MAP7: variants seen among roughly 807,000 people sequenced by gnomAD.
MAP7 encodes microtubule associated protein 7.
In MAP7, 52 loss-of-function variants were observed where a neutral mutation model predicts 94.8. That is an observed-to-expected ratio of 0.55 (90% confidence interval 0.44 to 0.69). MAP7 has a LOEUF of 0.69. Among genes scored for constraint, MAP7 ranks in the 30% least tolerant of loss-of-function variants. The pLI is 0.00. For synonymous variants in MAP7, 350 were observed against 357.0 expected (o/e 0.98, Z 0.22); for missense variants, 940 against 964.6 (o/e 0.97, Z 0.34).
chr6:136,452,403 T>C (rs1383405778), intron 1 of MAP7, among the ~76,000 whole-genome samples: 2 of 152,190 alleles, frequency 1.3e-5, no homozygotes, highest in South Asian at 2.1e-4. Flanking sequence ...TTGAAAGTTG[T>C]ACTGTAGGTA....
chr6:136,452,964 G>A (rs1286186859), intron 1 of MAP7, among the ~76,000 whole-genome samples: 1 of 152,182 alleles, frequency 6.6e-6, no homozygotes, highest in Non-Finnish European at 1.5e-5. Context: ...CAAAAAATTA[G>A]TGTGACTGCC....
intron 1 of MAP7, among the ~76,000 whole-genome samples, chr6:136,522,725 A>T (rs1826761180): frequency 6.6e-6 from 1 of 152,222 alleles, no homozygotes; most frequent in African/African-American, 2.4e-5. Context: ...TGCTTTGGGA[A>T]TACTTAATTT....
At position 136,348,078 on chromosome 6, in the gene MAP7, C is replaced by T. The variant is rs1467695387; in HGVS notation, c.2016-1999G>A. On this transcript the variant is annotated intron_variant, in intron 16 of 17. Coordinates refer to ENST00000354570, the MANE Select transcript of MAP7 (RefSeq NM_003980.6). ...CTACTGTTCTAAGTGCCTGGGCTGC[C>T]ACACCCATCTTCCTGTTCTTGCCTA... Among the ~76,000 whole-genome samples, 5 of 151,088 alleles carry T rather than the reference C, an allele frequency of 3.3e-5. 1 individual carries two copies. The highest frequency in any genetic ancestry group is 7.4e-5 in the Non-Finnish European group (5 of 67,768).
rs141979425 is a variant in MAP7, at chr6:136,431,642, C to T, written c.68-9843G>A. ...AAGTGATTCTCCCGCCTTAGCCTCC[C>T]GAGTAGCTGGGACTACAGGCGCGTG... On this transcript the variant is annotated intron_variant, in intron 1 of 17. Coordinates refer to ENST00000354570, the MANE Select transcript of MAP7 (RefSeq NM_003980.6). Among the ~76,000 whole-genome samples, 1,281 of 152,222 alleles carry T rather than the reference C, an allele frequency of 8.4e-3. 5 individuals carry two copies. The highest frequency in any genetic ancestry group is 0.027 in the Middle Eastern group (8 of 294).
At chr6:136,376,034 A>G (rs990187802) in intron 7 of MAP7, among the ~76,000 whole-genome samples, 1 of 152,236 alleles carries the variant, frequency 6.6e-6, no homozygotes, top group Non-Finnish European at 1.5e-5. Flanking sequence ...ACAACACAGC[A>G]TACAAGGGGA....
chr6:136,421,624 C>T (rs1791383741), intron 2 of MAP7, 77 bp downstream of exon 2: 2 of 1,361,738 alleles, frequency 1.5e-6, no homozygotes, highest in East Asian at 2.3e-5. Context: ...ACAAATTAAA[C>T]CTTTATAATC....
chr6:136,499,577 A>G (rs764328505), intron 1 of MAP7, among the ~76,000 whole-genome samples: 4 of 152,114 alleles, frequency 2.6e-5, no homozygotes, highest in Non-Finnish European at 4.4e-5. Flanking sequence ...ACAGAGAAAG[A>G]GCTAAGACAG....
chr6:136,507,175 A>G (rs1184156143), intron 1 of MAP7, among the ~76,000 whole-genome samples: 1 of 152,064 alleles, frequency 6.6e-6, no homozygotes, highest in Non-Finnish European at 1.5e-5. Context: ...TGCTCCCCAG[A>G]AAAGTGGGGG....
intron 16 of MAP7, among the ~76,000 whole-genome samples, chr6:136,347,693 ACCACG>A (rs1371578353): frequency 6.6e-6 from 1 of 152,176 alleles, no homozygotes; most frequent in East Asian, 1.9e-4. Context: ...GCCATGAGCC[ACCACG>A]CCCAGTCAAA....
intron 15 of MAP7, among the ~76,000 whole-genome samples, chr6:136,357,271 C>T (rs1242507047): frequency 3.9e-5 from 6 of 152,148 alleles, no homozygotes; most frequent in African/African-American, 4.8e-5. Flanking sequence ...GAGGATTTCA[C>T]GAATGGAAAG....
intron 16 of MAP7, among the ~76,000 whole-genome samples, chr6:136,353,474 A>G (rs1260817886): frequency 2.0e-5 from 3 of 152,220 alleles, no homozygotes; most frequent in Non-Finnish European, 2.9e-5. Flanking sequence ...AAAGGGATCA[A>G]TCAGTACCAT....
intron 6 of MAP7, among the ~76,000 whole-genome samples, chr6:136,380,283 G>A (rs1327731345): frequency 6.6e-6 from 1 of 152,166 alleles, no homozygotes; most frequent in Non-Finnish European, 1.5e-5. Context: ...TCCCATAAGC[G>A]TGACATCACT....
At chr6:136,349,886 AG>A (rs764296227) in intron 16 of MAP7, among the ~76,000 whole-genome samples, 1 of 152,138 alleles carries the variant, frequency 6.6e-6, no homozygotes, top group Non-Finnish European at 1.5e-5. Context: ...TCTATAACAA[AG>A]GGTCTCAGTC....
intron 1 of MAP7, among the ~76,000 whole-genome samples, chr6:136,505,111 G>C (rs1820979799): frequency 6.6e-6 from 1 of 151,536 alleles, no homozygotes; most frequent in African/African-American, 2.4e-5. Flanking sequence ...GGGCCAAACA[G>C]ACGATAAAAT....
chr6:136,510,213 T>G (rs1254636537), intron 1 of MAP7, among the ~76,000 whole-genome samples: 1 of 151,902 alleles, frequency 6.6e-6, no homozygotes, highest in African/African-American at 2.4e-5. Context: ...CAAAATGGGG[T>G]GAGCATCTCT....
intron 5 of MAP7, among the ~76,000 whole-genome samples, chr6:136,385,391 T>G (rs73559071): frequency 6.6e-6 from 1 of 152,186 alleles, no homozygotes; most frequent in African/African-American, 2.4e-5. Context: ...TGATGACATG[T>G]GAGGTACAGG....
At chr6:136,451,746 A>G (rs539451859) in intron 1 of MAP7, among the ~76,000 whole-genome samples, 4 of 152,342 alleles carry the variant, frequency 2.6e-5, no homozygotes, top group Admixed American at 2.6e-4. Flanking sequence ...AAAAATGTCA[A>G]CATTTACAGG....
intron 3 of MAP7, among the ~76,000 whole-genome samples, chr6:136,394,136 A>C (rs1212583729): frequency 6.6e-6 from 1 of 151,934 alleles, no homozygotes; most frequent in African/African-American, 2.4e-5. Flanking sequence ...GGCGCGTGCC[A>C]CCATACCCAG....
chr6:136,531,372 A>C lies in MAP7; in HGVS notation c.67+18970T>G, dbSNP rs968981944. On this transcript the variant is annotated intron_variant, in intron 1 of 17. Transcript: ENST00000354570. ...AGCAGTTTAATTTAGTGTTTAATTT[A>C]GTTTTATTGTTGAGCCACACCATTA... Among the ~76,000 whole-genome samples, 31 of 144,788 alleles carry C rather than the reference A, an allele frequency of 2.1e-4. 4 individuals are homozygous for C. Among genetic ancestry groups the C allele is most frequent in the African/African-American group, 8.9e-4 (31 of 34,836 alleles). 95.0% of individuals were successfully genotyped at this position (144,788 alleles called of 152,430 possible).
Sources: gnomAD v4.1 joint callset for allele counts (sites outside exome capture counted in the v4.1 genomes callset) on GRCh38, gnomAD v4.1.1 for gene constraint, MANE v1.5 for transcripts, NCBI Gene and HGNC (gene_info 2026-07-23, HGNC 2026-07-21) for gene names.